Variants in BMS1 observed in about 807,000 individuals in gnomAD.
BMS1 encodes BMS1 ribosome biogenesis factor.
Under a neutral mutation model 138.7 loss-of-function variants are expected in BMS1, and 53 were observed. The observed-to-expected ratio is 0.38, with a 90% CI of 0.31 to 0.48. The LOEUF is 0.48. Ranked by LOEUF, BMS1 falls within the 20% of genes least tolerant of loss-of-function variation. BMS1 has a pLI of 0.97. For missense variants in BMS1, 1,360 were observed against 1,565.5 expected, an observed-to-expected ratio of 0.87 and a Z score of 2.22; for synonymous variants, 504 against 539.9, an observed-to-expected ratio of 0.93 and a Z score of 0.92.
rs1470226521 is a variant in BMS1 at position 42,797,198 on chromosome 10, A to C, written c.1954A>C (p.Lys652Gln). ...TTTACTCAAAGAGGAAGAAGATTAC[A>C]AGGAAGAAAATAATGATTCCAAAGA... is the stretch of plus-strand genomic sequence containing the variant. Reference protein sequence around the residue: ...ENLLKEEEDYKEENNDSKETS... With the variant: ...ENLLKEEEDYQEENNDSKETS... Residue 652 changes from lysine to glutamine, a missense_variant, in exon 10 of 23, where the codon AAG (lysine) becomes CAG (glutamine). Lys to Gln is a moderately conservative substitution (Grantham distance 53, BLOSUM62 1). Transcript: ENST00000374518. The C allele has an allele frequency of 5.0e-6, 8 of 1,608,870 alleles. No homozygotes were observed. In the African/African-American group the frequency reaches 1.1e-4, roughly 22 times the overall value.
chr10:42,826,236 GT>G lies in BMS1; in HGVS notation c.3456+2454del, dbSNP rs1564432968. On this transcript the variant is annotated intron_variant, in intron 21 of 22. Transcript: ENST00000374518. ...AGAAGTTGACCTGTAGTTTTTGTTT[GT>G]TGTGTGTGTGTGTGTGTGTGTGTGT... is the stretch of plus-strand genomic sequence containing the variant. 9.7e-4 allele frequency among the ~76,000 whole-genome samples: 96 copies of G among 98,520 alleles called. 2 individuals are homozygous for G. In the East Asian group the frequency reaches 0.025, roughly 26 times the overall value. 64.6% of individuals were successfully genotyped at this position (98,520 alleles called of 152,430 possible). A position where few individuals can be genotyped will look rare whatever the true frequency, so the allele number is the denominator to read the frequency against.
Position 42,823,076 on chromosome 10 carries a change from A to G in BMS1, c.3133-42A>G, listed in dbSNP as rs777689508. On this transcript the variant is annotated intron_variant, in intron 19 of 22. Coordinates refer to ENST00000374518, the MANE Select transcript of BMS1 (RefSeq NM_014753.4). ...AAGTAAGAAGTAAAGCATAAAGTAT[A>G]TGATTTTGTGTGTGTGTGTTTTTAT... is the stretch of plus-strand genomic sequence containing the variant. The G allele has an allele frequency of 2.7e-6, 4 of 1,459,714 alleles. No individual in the cohort carries two copies. In the South Asian group the frequency reaches 4.7e-5, roughly 17 times the overall value. The allele number at this position is 1,459,714 out of a possible 1,614,324, so 90.4% of individuals were successfully genotyped here.
At chr10:42,798,440 C>T (rs1841762602) in intron 11 of BMS1, 28 bp from the exon 12 acceptor site, 1 of 1,613,468 alleles carries the variant, frequency 6.2e-7, no homozygotes, top group South Asian at 1.1e-5. Context: ...TTTTTGTTCT[C>T]ACTTTTCTGC....
intron 11 of BMS1, among the ~76,000 whole-genome samples, chr10:42,797,733 G>A (rs975528825): frequency 1.3e-5 from 2 of 152,124 alleles, no homozygotes; most frequent in Non-Finnish European, 2.9e-5. Context: ...AAAACTTGAT[G>A]CAAATACCGT....
chr10:42,811,551 G>A (rs1842182672), intron 13 of BMS1, among the ~76,000 whole-genome samples: 1 of 115,046 alleles, frequency 8.7e-6, no homozygotes, highest in Admixed American at 9.4e-5. Context: ...TTGAGACGGA[G>A]TCTCGCTCTG....
At chr10:42,786,063 A>G (rs1307166862) in intron 3 of BMS1, among the ~76,000 whole-genome samples, 3 of 152,118 alleles carry the variant, frequency 2.0e-5, no homozygotes, top group Non-Finnish European at 4.4e-5. Flanking sequence ...CATTTTTTGT[A>G]TGAGAAATGA....
At position 42,784,555 on chromosome 10, in the gene BMS1, C is replaced by T; in HGVS notation, c.161C>T (p.Ala54Val). 6.2e-7 allele frequency: 1 copy of T among 1,612,180 alleles called. No homozygotes were observed. Among genetic ancestry groups the T allele is most frequent in the Non-Finnish European group, 8.5e-7 (1 of 1,179,288 alleles). Residue 54 changes from alanine to valine, a missense_variant, in exon 2 of 23, where the codon GCT (alanine) becomes GTT (valine). Ala to Val is a moderately conservative substitution (Grantham distance 64, BLOSUM62 0). Coordinates refer to ENST00000374518, the MANE Select transcript of BMS1 (RefSeq NM_014753.4). ...AFAVQSAVRMARSFHRTQDLK... is the reference protein window; with the variant it reads ...AFAVQSAVRMVRSFHRTQDLK... Reference sequence around the variant, plus strand: ...GCAGTTCAGTCTGCTGTGCGGATGGCTCGATCCTTTCACAGGTATGTTAGG... The same window carrying T: ...GCAGTTCAGTCTGCTGTGCGGATGGTTCGATCCTTTCACAGGTATGTTAGG...
At chr10:42,797,375 G>A (rs1210068416) in intron 10 of BMS1, 47 bp from the exon 11 acceptor site, 1 of 1,603,330 alleles carries the variant, frequency 6.2e-7, no homozygotes, top group African/African-American at 1.3e-5. Context: ...CAAGGGAGGG[G>A]AGACACATGA....
intron 13 of BMS1, among the ~76,000 whole-genome samples, chr10:42,809,834 G>A (rs562393106): frequency 2.6e-5 from 4 of 152,226 alleles, no homozygotes; most frequent in Admixed American, 2.6e-4. Context: ...CACCCAGGCT[G>A]GAGTGCAGTG....
At chr10:42,793,716 C>T (rs1841585020) in intron 8 of BMS1, 136 bp from the exon 9 acceptor site, 1 of 1,067,594 alleles carries the variant, frequency 9.4e-7, no homozygotes, top group Non-Finnish European at 1.4e-6. Flanking sequence ...TAAGGATTTT[C>T]TTCTCTGCTT....
At position 42,796,829 on chromosome 10, in the gene BMS1, G is replaced by T; in HGVS notation, c.1585G>T (p.Asp529Tyr). Residue 529 changes from aspartate (D) to tyrosine (Y), a missense_variant, in exon 10 of 23, where the codon GAC (aspartate) becomes TAC (tyrosine). Coordinates refer to ENST00000374518, the MANE Select transcript of BMS1 (RefSeq NM_014753.4). ...EEADESSEEE[D>Y]CTAGEKGISG... is the part of the protein sequence containing the mutation. ...AGCTGATGAAAGCAGTGAAGAAGAG[G>T]ACTGCACTGCAGGAGAGAAGGGCAT... The T allele has an allele frequency of 1.2e-6, 2 of 1,614,252 alleles. No homozygotes were observed. Among genetic ancestry groups the T allele is most frequent in the Non-Finnish European group, 1.7e-6 (2 of 1,180,048 alleles).
At chr10:42,815,399 TTTCTTGTTAGGTTTA>T (rs1842318741) in intron 13 of BMS1, among the ~76,000 whole-genome samples, 1 of 152,206 alleles carries the variant, frequency 6.6e-6, no homozygotes, top group Non-Finnish European at 1.5e-5. Context: ...TTCTGGTGCA[TTTCTTGTTAGGTTTA>T]TTCCTATTTT....
At chr10:42,794,576 GCA>G in intron 9 of BMS1, among the ~76,000 whole-genome samples, 1 of 149,690 alleles carries the variant, frequency 6.7e-6, no homozygotes, top group Non-Finnish European at 1.5e-5. Flanking sequence ...GGTACAATGT[GCA>G]TAAACTACCT....
chr10:42,813,614 C>T (rs568042471), intron 13 of BMS1, among the ~76,000 whole-genome samples: 7 of 152,248 alleles, frequency 4.6e-5, no homozygotes, highest in South Asian at 4.1e-4. Flanking sequence ...TTAAGAACTG[C>T]GGATTGTCTC....
At chr10:42,792,192 C>T (rs1197186772) in intron 6 of BMS1, among the ~76,000 whole-genome samples, 3 of 152,148 alleles carry the variant, frequency 2.0e-5, no homozygotes, top group Admixed American at 2.0e-4. Context: ...AGAGCACAGG[C>T]TCGCCCTCTT....
In BMS1 at chr10:42,782,815, T is replaced by G. The variant is rs1841193452; in HGVS notation, c.-49T>G. On this transcript the variant is annotated 5_prime_UTR_variant, in exon 1 of 23. Transcript: ENST00000374518. ...GCGGTGTCCATGCTGACCTGAGGAG[T>G]CGCGGCTGCGAGCAGGTTCGGTGCT... is the stretch of plus-strand genomic sequence containing the variant. 1 of 153,180 alleles carries G rather than the reference T, an allele frequency of 6.5e-6. No homozygotes were observed. The highest frequency in any genetic ancestry group is 1.5e-5 in the Non-Finnish European group (1 of 68,076). The allele number at this position is 153,180 out of a possible 1,614,324, so 9.5% of individuals were successfully genotyped here. A position where few individuals can be genotyped will look rare whatever the true frequency, so the allele number is the denominator to read the frequency against.
chr10:42,830,267 C>A lies in BMS1; in HGVS notation c.3463C>A (p.Leu1155Met). 6.2e-7 allele frequency: 1 copy of A among 1,611,538 alleles called. No individual in the cohort carries two copies. The highest frequency in any genetic ancestry group is 1.1e-5 in the South Asian group (1 of 90,218). ...ANKDSLYKPI[L>M]RQKKHFNSLH... ...TCTTTGTTTTTCTTTTCAGCCAATC[C>A]TGAGGCAAAAGAAACATTTTAATTC... The change falls in exon 22 of 23, where the codon CTG (leucine) becomes ATG (methionine). Residue 1155 changes from leucine to methionine, a missense_variant. Physicochemically the swap from Leu to Met is conservative, Grantham distance 15. Transcript: ENST00000374518.
chr10:42,794,752 TATC>T (rs1216643577), intron 9 of BMS1, among the ~76,000 whole-genome samples: 1 of 150,414 alleles, frequency 6.6e-6, no homozygotes, highest in Non-Finnish European at 1.5e-5. Flanking sequence ...ATTTCTATAT[TATC>T]ATTTCCTTCT....
chr10:42,801,598 G>A (rs960543179), intron 12 of BMS1, among the ~76,000 whole-genome samples: 1 of 152,224 alleles, frequency 6.6e-6, no homozygotes, highest in African/African-American at 2.4e-5. Flanking sequence ...GATAGATAAT[G>A]ATGTTGAACA....
Sources: allele counts gnomAD v4.1 joint callset (sites outside exome capture counted in the v4.1 genomes callset), GRCh38; gene constraint gnomAD v4.1.1; transcripts MANE v1.5; gene names NCBI Gene and HGNC (gene_info 2026-07-23, HGNC 2026-07-21).